PDZRN4: variants seen among roughly 807,000 people sequenced by gnomAD.
PDZRN4 encodes the protein PDZ domain containing ring finger 4.
In PDZRN4, 70 loss-of-function variants were observed where a neutral mutation model predicts 99.0. That is an observed-to-expected ratio of 0.71 (90% CI 0.58 to 0.86). PDZRN4 has a LOEUF of 0.86. PDZRN4 is among the 40% of genes least tolerant of loss of function. PDZRN4 has a pLI of 0.00. For missense variants in PDZRN4, 1,474 were observed against 1,331.2 expected, an observed-to-expected ratio of 1.11 and a Z score of -1.67; for synonymous variants, 551 against 501.6, an observed-to-expected ratio of 1.10 and a Z score of -1.32.
intron 3 of PDZRN4, among the ~76,000 whole-genome samples, chr12:41,304,713 A>G (rs1381101249): frequency 1.3e-5 from 2 of 152,232 alleles, no homozygotes; most frequent in Non-Finnish European, 2.9e-5. Context: ...AGTAAACTCA[A>G]TGACTAATGG....
chr12:41,464,316 A>G (rs982517812), intron 3 of PDZRN4, among the ~76,000 whole-genome samples: 3 of 151,970 alleles, frequency 2.0e-5, no homozygotes, highest in Admixed American at 6.6e-5. Flanking sequence ...AAAATAGAAT[A>G]CAGCTCTTAT....
intron 3 of PDZRN4, among the ~76,000 whole-genome samples, chr12:41,204,669 G>A (rs1294628239): frequency 2.6e-5 from 4 of 151,978 alleles, no homozygotes; most frequent in South Asian, 2.1e-4. Flanking sequence ...TCACTATCAC[G>A]AAAAAGCATG....
chr12:41,446,364 T>C (rs1952728574), intron 3 of PDZRN4, among the ~76,000 whole-genome samples: 1 of 151,942 alleles, frequency 6.6e-6, no homozygotes, highest in South Asian at 2.1e-4. Context: ...CAGATATCTT[T>C]ACTAACAACG....
At chr12:41,450,729 C>G (rs1952767592) in intron 3 of PDZRN4, among the ~76,000 whole-genome samples, 1 of 152,066 alleles carries the variant, frequency 6.6e-6, no homozygotes, top group Admixed American at 6.6e-5. Context: ...TGAAACCAGC[C>G]TGGCCAACAT....
chr12:41,227,676 C>T (rs1430906739), intron 3 of PDZRN4, among the ~76,000 whole-genome samples: 1 of 151,896 alleles, frequency 6.6e-6, no homozygotes, highest in Non-Finnish European at 1.5e-5. Context: ...ACAATAACAA[C>T]AACAACAACA....
chr12:41,250,803 T>C (rs1247932880), intron 3 of PDZRN4, among the ~76,000 whole-genome samples: 2 of 152,204 alleles, frequency 1.3e-5, no homozygotes, highest in Non-Finnish European at 2.9e-5. Flanking sequence ...TCTGCTAAAG[T>C]TGTGGCTTTC....
At chr12:41,191,565 A>C (rs770920004) in intron 2 of PDZRN4, 21 bp downstream of exon 2, 2 of 1,038,936 alleles carry the variant, frequency 1.9e-6, no homozygotes, top group African/African-American at 1.6e-5. Flanking sequence ...TTGTTAATGC[A>C]TTACTCGTTA....
At chr12:41,490,703 T>C (rs1937868163) in intron 3 of PDZRN4, among the ~76,000 whole-genome samples, 1 of 152,144 alleles carries the variant, frequency 6.6e-6, no homozygotes, top group South Asian at 2.1e-4. Context: ...CTCTTCAACA[T>C]CCTTCGTTTT....
intron 3 of PDZRN4, among the ~76,000 whole-genome samples, chr12:41,298,725 C>T (rs1166153491): frequency 6.6e-6 from 1 of 152,062 alleles, no homozygotes. Flanking sequence ...ATGAGCCAAA[C>T]AGGTGAAATA....
At chr12:41,300,739 G>A (rs1375649998) in intron 3 of PDZRN4, among the ~76,000 whole-genome samples, 1 of 151,958 alleles carries the variant, frequency 6.6e-6, no homozygotes, top group African/African-American at 2.4e-5. Flanking sequence ...TGTACCCAGA[G>A]ATCATTATGA....
chr12:41,464,612 T>C (rs903279324), intron 3 of PDZRN4, among the ~76,000 whole-genome samples: 1 of 152,190 alleles, frequency 6.6e-6, no homozygotes, highest in Non-Finnish European at 1.5e-5. Context: ...GGTTTACATA[T>C]GAGAATTTGT....
intron 5 of PDZRN4, among the ~76,000 whole-genome samples, chr12:41,541,408 T>C (rs570938690): frequency 2.0e-5 from 3 of 151,928 alleles, no homozygotes; most frequent in East Asian, 3.9e-4. Flanking sequence ...CTTACCACCA[T>C]AGTATGTCAC....
rs776841103 is a variant in PDZRN4, at chr12:41,506,511, G to T, written c.899G>T (p.Arg300Leu). The T allele has an allele frequency of 1.9e-6, 3 of 1,613,586 alleles. No homozygotes were observed. Among genetic ancestry groups the T allele is most frequent in the Non-Finnish European group, 1.7e-6 (2 of 1,179,672 alleles). ...CATGAAGAGGCAGTGGAAGCTTTTCGCAATGCCAAGGAGCCCATTGTGGTG... is the reference window on the plus strand; with the variant it reads ...CATGAAGAGGCAGTGGAAGCTTTTCTCAATGCCAAGGAGCCCATTGTGGTG... ...ATHEEAVEAF[R>L]NAKEPIVVQV... Residue 300 changes from arginine (R) to leucine (L), a missense_variant, in exon 4 of 10, where the codon CGC (arginine) becomes CTC (leucine). Transcript: ENST00000402685.
chr12:41,231,368 C>T (rs922097068), intron 3 of PDZRN4, among the ~76,000 whole-genome samples: 14 of 152,120 alleles, frequency 9.2e-5, no homozygotes, highest in Non-Finnish European at 1.6e-4. Context: ...CCTAATTTTC[C>T]GGTAACATCA....
intron 3 of PDZRN4, among the ~76,000 whole-genome samples, chr12:41,487,546 G>C (rs1042274186): frequency 6.6e-6 from 1 of 152,176 alleles, no homozygotes; most frequent in Non-Finnish European, 1.5e-5. Flanking sequence ...GTATTAAAAA[G>C]TGTTCAATAT....
chr12:41,547,150 A>C (rs755319956), intron 5 of PDZRN4, among the ~76,000 whole-genome samples: 1 of 150,554 alleles, frequency 6.6e-6, no homozygotes, highest in Non-Finnish European at 1.5e-5. Flanking sequence ...AGATACAACA[A>C]GCAAAATAGA....
intron 3 of PDZRN4, among the ~76,000 whole-genome samples, chr12:41,462,894 G>C (rs1408614367): frequency 6.6e-6 from 1 of 152,080 alleles, no homozygotes; most frequent in East Asian, 1.9e-4. Context: ...TGTGTAAAAG[G>C]AATTGTGGTC....
At chr12:41,288,821 T>G (rs1951437918) in intron 3 of PDZRN4, among the ~76,000 whole-genome samples, 1 of 152,160 alleles carries the variant, frequency 6.6e-6, no homozygotes, top group African/African-American at 2.4e-5. Flanking sequence ...AAGAATTATG[T>G]TTATATAAAC....
chr12:41,536,923 C>T (rs1016063817), intron 5 of PDZRN4, among the ~76,000 whole-genome samples: 5 of 152,052 alleles, frequency 3.3e-5, no homozygotes, highest in Non-Finnish European at 7.4e-5. Flanking sequence ...TTTCATAGTG[C>T]CTAGCAATAC....
Sources: allele counts gnomAD v4.1 joint callset (sites outside exome capture counted in the v4.1 genomes callset), GRCh38; gene constraint gnomAD v4.1.1; transcripts MANE v1.5; gene names NCBI Gene and HGNC (gene_info 2026-07-23, HGNC 2026-07-21).